The following CCDC141 variants were observed in gnomAD, a reference collection of about 807,000 sequenced individuals.
The protein encoded by CCDC141 is coiled-coil domain containing 141, also known as coiled-coil domain-containing protein 141.
In CCDC141, 168 loss-of-function variants were observed where a neutral mutation model predicts 181.0. The ratio of observed to expected loss-of-function variants is 0.93; its 90% confidence interval spans 0.82 to 1.05. The LOEUF is 1.05. Ranked by LOEUF, CCDC141 falls within the 50% of genes least tolerant of loss-of-function variation. CCDC141 has a pLI of 0.00. For synonymous variants in CCDC141, 666 were observed against 642.3 expected, an observed-to-expected ratio of 1.04 and a Z score of -0.56; for missense variants, 1,902 against 1,788.5, an observed-to-expected ratio of 1.06 and a Z score of -1.14.
At chr2:179,023,233 A>G (rs1027898131) in intron 2 of CCDC141, among the ~76,000 whole-genome samples, 2 of 152,184 alleles carry the variant, frequency 1.3e-5, no homozygotes, top group African/African-American at 4.8e-5. Flanking sequence ...CTTGTTTCAA[A>G]TTCTTTAAAG....
At chr2:179,015,917 TATATATC>T (rs1306331822) in intron 2 of CCDC141, among the ~76,000 whole-genome samples, 1 of 138,164 alleles carries the variant, frequency 7.2e-6, no homozygotes, top group Non-Finnish European at 1.5e-5. Context: ...ATATATCTCA[TATATATC>T]ATATAATTTC....
rs925015331 is a variant in CCDC141, at chr2:178,829,968, C to T, written c.*4205G>A. ...AATACTCTTAAGTTCTTGGATTTGG[C>T]TTTCTTTATATTTACAAGTTTGTAT... On this transcript the variant is annotated 3_prime_UTR_variant, in exon 24 of 24. Coordinates refer to ENST00000443758, the MANE Select transcript of CCDC141 (RefSeq NM_173648.4). 2 of 152,112 alleles carry T rather than the reference C, an allele frequency of 1.3e-5. No homozygotes were observed. Among genetic ancestry groups the T allele is most frequent in the African/African-American group, 4.8e-5 (2 of 41,444 alleles). The allele number at this position is 152,112 out of a possible 1,614,324, so 9.4% of individuals were successfully genotyped here.
chr2:179,041,245 C>G (rs2043292278), intron 2 of CCDC141, among the ~76,000 whole-genome samples: 1 of 152,260 alleles, frequency 6.6e-6, no homozygotes, highest in East Asian at 1.9e-4. Context: ...CGCCCACCAC[C>G]ACGCCTAGCT....
intron 16 of CCDC141, 28 bp downstream of exon 16, chr2:178,867,998 C>G: frequency 6.4e-7 from 1 of 1,568,684 alleles, no homozygotes; most frequent in South Asian, 1.2e-5. Flanking sequence ...AGAACTGAGT[C>G]TAAATGATAG....
intron 2 of CCDC141, among the ~76,000 whole-genome samples, chr2:179,016,778 T>C (rs1384389863): frequency 1.3e-5 from 2 of 152,122 alleles, no homozygotes. Context: ...AGTGGAATTC[T>C]GGTTGAGGTT....
At chr2:178,878,711 A>G (rs1686463936) in intron 11 of CCDC141, among the ~76,000 whole-genome samples, 1 of 152,200 alleles carries the variant, frequency 6.6e-6, no homozygotes, top group Non-Finnish European at 1.5e-5. Context: ...TTTGGGTAGA[A>G]CACTGAGCTG....
chr2:179,007,892 A>G (rs775615203), intron 2 of CCDC141, among the ~76,000 whole-genome samples: 31 of 152,346 alleles, frequency 2.0e-4, no homozygotes, highest in Middle Eastern at 3.4e-3. Flanking sequence ...TCCAGTTGTC[A>G]TCACTTAGAT....
At chr2:178,842,761 T>C (rs1395943620) in intron 22 of CCDC141, among the ~76,000 whole-genome samples, 1 of 152,224 alleles carries the variant, frequency 6.6e-6, no homozygotes, top group Non-Finnish European at 1.5e-5. Context: ...GGACTTGGTC[T>C]GTAAAACACA....
chr2:178,815,856 C>T, the CCDC141 span, among the ~76,000 whole-genome samples: 1 of 151,958 alleles, frequency 6.6e-6, no homozygotes, highest in Admixed American at 6.6e-5. Context: ...GGATGCAGAA[C>T]ATGTGAGTAG....
In CCDC141 at chr2:178,868,127, T is replaced by C. The variant is rs775952132; in HGVS notation, c.2473A>G (p.Ile825Val). The C allele has an allele frequency of 5.6e-6, 9 of 1,614,090 alleles. No homozygotes were observed. Among genetic ancestry groups the C allele is most frequent in the Non-Finnish European group, 7.6e-6 (9 of 1,179,958 alleles). ...KELGDAHDVQ[I>V]HLRCSQEKQA... ...TTTTCCTGAGAGCACCGGAGGTGAATCTGCACATCATGGGCATCACCCAGT... is the reference window on the plus strand; with the variant it reads ...TTTTCCTGAGAGCACCGGAGGTGAACCTGCACATCATGGGCATCACCCAGT... The change falls in exon 16 of 24, where the codon ATT becomes GTT. Residue 825 changes from isoleucine to valine, a missense_variant. Coordinates refer to ENST00000443758, the MANE Select transcript of CCDC141 (RefSeq NM_173648.4).
At chr2:178,991,038 C>T (rs1692029244) in intron 2 of CCDC141, among the ~76,000 whole-genome samples, 1 of 152,172 alleles carries the variant, frequency 6.6e-6, no homozygotes, top group Non-Finnish European at 1.5e-5. Context: ...AAACTGCCTA[C>T]CATAACCTGA....
At chr2:178,855,653 T>C (rs1431079428) in intron 18 of CCDC141, 112 bp from the exon 19 acceptor site, 1 of 589,318 alleles carries the variant, frequency 1.7e-6, no homozygotes. Flanking sequence ...CTCCAATCTA[T>C]TAAAATAATA....
chr2:179,030,687 T>G (rs972422310), intron 2 of CCDC141, among the ~76,000 whole-genome samples: 2 of 152,106 alleles, frequency 1.3e-5, no homozygotes, highest in Non-Finnish European at 2.9e-5. Context: ...ATAATTGGAA[T>G]AGTTACTACA....
At chr2:178,986,628 A>T (rs1691756259) in intron 2 of CCDC141, among the ~76,000 whole-genome samples, 2 of 151,758 alleles carry the variant, frequency 1.3e-5, no homozygotes, top group Admixed American at 6.6e-5. Context: ...GTCTCAGGAT[A>T]CAAAATCAAT....
In CCDC141 at chr2:178,853,457, A is replaced by C; in HGVS notation, c.3228T>G (p.Leu1076=). Residue 1076 remains leucine, a synonymous_variant, in exon 20 of 24, where the codon CTT becomes CTG. Coordinates refer to ENST00000443758, the MANE Select transcript of CCDC141 (RefSeq NM_173648.4). The stretch of plus-strand genomic sequence containing the variant: ...AGATCTCACCATATAAGTGCTGAGC[A>C]AGGTCAGTGGCCTCCTGAATCCTTT... ...QEERIQEATD[L]AQHLYGLEEG... is the part of the protein sequence containing the mutation. 1 of 1,614,090 alleles carries C rather than the reference A, an allele frequency of 6.2e-7. No individual in the cohort carries two copies. Among genetic ancestry groups the C allele is most frequent in the Middle Eastern group, 1.7e-4 (1 of 6,060 alleles).
chr2:178,924,124 A>C (rs1688823884), intron 6 of CCDC141, among the ~76,000 whole-genome samples: 1 of 152,190 alleles, frequency 6.6e-6, no homozygotes, highest in Non-Finnish European at 1.5e-5. Context: ...TCAGGTGGTA[A>C]ATTTTCGTTA....
At chr2:178,839,608 T>TA (rs1561624023) in intron 22 of CCDC141, among the ~76,000 whole-genome samples, 1 of 99,156 alleles carries the variant, frequency 1.0e-5, no homozygotes, top group South Asian at 3.2e-4. Flanking sequence ...AAAAAAAAAA[T>TA]GTGTTTTCAG....
In CCDC141 at chr2:178,850,111, C is replaced by T; in HGVS notation, c.3295G>A (p.Glu1099Lys). 2 of 1,612,024 alleles carry T rather than the reference C, an allele frequency of 1.2e-6. No homozygotes were observed. Among genetic ancestry groups the T allele is most frequent in the Non-Finnish European group, 1.7e-6 (2 of 1,178,716 alleles). Reference sequence around the variant, plus strand: ...AATTCAGTCACAGATTCAAGAACCTCTTTGTGTTTTGTCACTATTTTCTCA... The same window carrying T: ...AATTCAGTCACAGATTCAAGAACCTTTTTGTGTTTTGTCACTATTTTCTCA... ...YIEKIVTKHKEVLESVTELCE... is the reference protein window; with the variant it reads ...YIEKIVTKHKKVLESVTELCE... Residue 1099 changes from glutamate (E) to lysine (K), a missense_variant, in exon 21 of 24, where the codon GAG (glutamate) becomes AAG (lysine). By Grantham distance (56) the Glu-to-Lys change is moderately conservative. Transcript: ENST00000443758.
intron 21 of CCDC141, among the ~76,000 whole-genome samples, chr2:178,847,429 G>C (rs1469011844): frequency 6.6e-6 from 1 of 152,124 alleles, no homozygotes; most frequent in African/African-American, 2.4e-5. Flanking sequence ...TACTTGGGAG[G>C]CTGAGGTTGG....
Sources: allele counts gnomAD v4.1 joint callset (sites outside exome capture counted in the v4.1 genomes callset), GRCh38; gene constraint gnomAD v4.1.1; transcripts MANE v1.5; gene names NCBI Gene and HGNC (gene_info 2026-07-23, HGNC 2026-07-21).